The following PRKCA variants were observed in gnomAD, a reference collection of about 807,000 sequenced individuals.
The protein encoded by PRKCA is protein kinase C alpha.
PRKCA carries 27 observed loss-of-function variants against 87.0 expected under a neutral mutation model. The observed-to-expected ratio is 0.31, with a 90% CI of 0.23 to 0.43. The LOEUF (loss-of-function observed/expected upper bound fraction) is 0.43, where lower values mean the gene tolerates loss of function less well. PRKCA is among the 20% of genes least tolerant of loss of function. The probability of loss-of-function intolerance (pLI) is 1.00; values close to 1 mark genes in which losing one functional copy is unlikely to be tolerated. For missense variants in PRKCA, 518 were observed against 852.3 expected, an observed-to-expected ratio of 0.61 and a Z score of 4.88; for synonymous variants, 329 against 311.1, an observed-to-expected ratio of 1.06 and a Z score of -0.61.
intron 3 of PRKCA, among the ~76,000 whole-genome samples, chr17:66,624,198 A>C (rs1970775892): frequency 1.3e-5 from 2 of 151,938 alleles, no homozygotes; most frequent in Non-Finnish European, 1.5e-5. Flanking sequence ...AGAGTGTGGC[A>C]TGGGGAAGGA....
intron 16 of PRKCA, among the ~76,000 whole-genome samples, chr17:66,797,675 C>T (rs936883181): frequency 1.3e-5 from 2 of 152,168 alleles, no homozygotes; most frequent in African/African-American, 4.8e-5. Context: ...CATTGGGGCT[C>T]TTGATCTCTG....
chr17:66,534,823 A>G (rs967892022), intron 3 of PRKCA, among the ~76,000 whole-genome samples: 2 of 152,190 alleles, frequency 1.3e-5, no homozygotes, highest in African/African-American at 4.8e-5. Flanking sequence ...CTTTACTGAC[A>G]GTGACATGAA....
At position 66,314,984 on chromosome 17, in the gene PRKCA, T is replaced by C. The variant is rs190438319; in HGVS notation, c.205+8857T>C. ...ATGTGTGTATATATGTGTGTATGTA[T>C]GTGTATATATATGTGTATATATGTG... On this transcript the variant is annotated intron_variant, in intron 2 of 16. Transcript: ENST00000413366. Among the ~76,000 whole-genome samples the C allele has an allele frequency of 1.2e-4, 18 of 152,110 alleles. No homozygotes were observed. In the East Asian group the frequency reaches 3.3e-3, roughly 28 times the overall value.
intron 3 of PRKCA, chr17:66,638,345 G>T (rs59899825): frequency 6.6e-6 from 1 of 151,862 alleles, no homozygotes; most frequent in South Asian, 2.1e-4. Context: ...CAAGGATCAC[G>T]TGCAAATATG....
At chr17:66,520,951 A>G (rs1261336720) in intron 3 of PRKCA, among the ~76,000 whole-genome samples, 1 of 152,160 alleles carries the variant, frequency 6.6e-6, no homozygotes, top group Non-Finnish European at 1.5e-5. Flanking sequence ...TAAAAATACA[A>G]TGATTTAAAA....
intron 2 of PRKCA, among the ~76,000 whole-genome samples, chr17:66,339,164 G>A (rs1405621035): frequency 6.6e-6 from 1 of 152,136 alleles, no homozygotes; most frequent in African/African-American, 2.4e-5. Context: ...GATAGAGGAT[G>A]GCTGGTTTTG....
At position 66,710,552 on chromosome 17, in the gene PRKCA, G is replaced by A. The variant is rs116945523; in HGVS notation, c.918+21505G>A. ...TTTTGTGGCTCCCGGGCCTCAGCCT[G>A]CAGCCATGCTCTCCACCCTTAAGGA... On this transcript the variant is annotated intron_variant, in intron 8 of 16. Coordinates refer to ENST00000413366, the MANE Select transcript of PRKCA (RefSeq NM_002737.3). Among the ~76,000 whole-genome samples the A allele has an allele frequency of 6.7e-3, 1,020 of 152,138 alleles. 5 individuals are homozygous for A. Among genetic ancestry groups the A allele is most frequent in the Middle Eastern group, 0.014 (4 of 292 alleles).
At chr17:66,471,994 C>T (rs998335466) in intron 2 of PRKCA, among the ~76,000 whole-genome samples, 1 of 152,168 alleles carries the variant, frequency 6.6e-6, no homozygotes, top group Non-Finnish European at 1.5e-5. Flanking sequence ...CATGGTTTCG[C>T]TGTGTTGCCC....
In PRKCA at chr17:66,741,641, GC is replaced by G; in HGVS notation, c.1323-15del. ...TAAGGAAGCAAGTGAGAAACCTGAA[GC>G]CCGTTTTCTTTTGCAGATTCTATGC... On this transcript the variant is annotated splice_polypyrimidine_tract_variant and intron_variant, in intron 11 of 16. Coordinates refer to ENST00000413366, the MANE Select transcript of PRKCA (RefSeq NM_002737.3). 6.2e-7 allele frequency: 1 copy of G among 1,613,810 alleles called. No homozygotes were observed. The highest frequency in any genetic ancestry group is 8.5e-7 in the Non-Finnish European group (1 of 1,179,702).
intron 8 of PRKCA, among the ~76,000 whole-genome samples, chr17:66,697,085 A>G (rs1174597025): frequency 6.6e-6 from 1 of 152,210 alleles, no homozygotes; most frequent in Non-Finnish European, 1.5e-5. Flanking sequence ...GAGAGTCGAG[A>G]AAGCCTTGGA....
intron 3 of PRKCA, among the ~76,000 whole-genome samples, chr17:66,621,431 C>T (rs1393919273): frequency 1.3e-5 from 2 of 152,176 alleles, no homozygotes; most frequent in Non-Finnish European, 2.9e-5. Flanking sequence ...TAAAAACATA[C>T]TTTGCTTTAA....
intron 3 of PRKCA, among the ~76,000 whole-genome samples, chr17:66,550,375 G>T (rs1157349742): frequency 3.3e-5 from 5 of 152,240 alleles, no homozygotes; most frequent in African/African-American, 7.2e-5. Flanking sequence ...CTGGGTCCGG[G>T]TGCAGTGGTC....
intron 14 of PRKCA, among the ~76,000 whole-genome samples, chr17:66,780,771 C>T (rs1342784811): frequency 6.6e-5 from 10 of 151,932 alleles, no homozygotes; most frequent in Non-Finnish European, 1.0e-4. Context: ...ATGCTTTTTT[C>T]GTAGACTTCC....
chr17:66,804,010 G>T lies in PRKCA; in HGVS notation c.1992G>T (p.Val664=), dbSNP rs1598021265. The T allele has an allele frequency of 4.3e-6, 7 of 1,613,692 alleles. No individual in the cohort carries two copies. Among genetic ancestry groups the T allele is most frequent in the Middle Eastern group, 1.7e-4 (1 of 6,016 alleles). ...TCTCGTATGTCAACCCCCAGTTTGT[G>T]CACCCCATCTTACAGAGTGCAGTAT... ...EGFSYVNPQF[V]HPILQSAV The change falls in exon 17 of 17, where the codon GTG becomes GTT. Residue 664 remains valine (V), a synonymous_variant. Transcript: ENST00000413366.
intron 3 of PRKCA, among the ~76,000 whole-genome samples, chr17:66,628,488 T>C (rs1037252065): frequency 2.6e-5 from 4 of 152,080 alleles, no homozygotes; most frequent in Non-Finnish European, 1.5e-5. Context: ...CCTATCAGCC[T>C]CTCTCTCTTT....
At chr17:66,446,547 T>C (rs1236208671) in intron 2 of PRKCA, among the ~76,000 whole-genome samples, 1 of 152,150 alleles carries the variant, frequency 6.6e-6, no homozygotes, top group Non-Finnish European at 1.5e-5. Context: ...GTGGCTAAAT[T>C]TAGACAGAAC....
intron 2 of PRKCA, among the ~76,000 whole-genome samples, chr17:66,449,500 A>G (rs1217962626): frequency 6.6e-6 from 1 of 152,192 alleles, no homozygotes; most frequent in Admixed American, 6.5e-5. Flanking sequence ...CTGCCCAACC[A>G]GTAGTACATC....
chr17:66,355,687 A>G (rs576563804), intron 2 of PRKCA, among the ~76,000 whole-genome samples: 13 of 152,256 alleles, frequency 8.5e-5, no homozygotes, highest in Admixed American at 5.9e-4. Flanking sequence ...GAACCTGCCC[A>G]TTGCTGGTTT....
chr17:66,346,542 G>C (rs1907383461), intron 2 of PRKCA, among the ~76,000 whole-genome samples: 1 of 152,024 alleles, frequency 6.6e-6, no homozygotes. Context: ...ACTGTGCCTG[G>C]CTGTTGGGTG....
Sources: allele counts gnomAD v4.1 joint callset (sites outside exome capture counted in the v4.1 genomes callset), GRCh38; gene constraint gnomAD v4.1.1; transcripts MANE v1.5; gene names NCBI Gene and HGNC (gene_info 2026-07-23, HGNC 2026-07-21).